ZNF536: variants seen among roughly 807,000 people sequenced by gnomAD.
ZNF536 encodes zinc finger protein 536.
In ZNF536, 13 loss-of-function variants were observed where a neutral mutation model predicts 84.5. The ratio of observed to expected loss-of-function variants is 0.15; its 90% CI spans 0.10 to 0.24. The LOEUF (loss-of-function observed/expected upper bound fraction) is 0.24, where lower values mean the gene tolerates loss of function less well. ZNF536 is among the 10% of genes least tolerant of loss of function. The pLI, the probability that ZNF536 is intolerant of heterozygous loss-of-function variation, is 1.00. For synonymous variants in ZNF536, 811 were observed against 742.5 expected (o/e 1.09, Z -1.50); for missense variants, 1,536 against 1,747.5 (o/e 0.88, Z 2.16).
chr19:30,295,668 C>G (rs900818202), intron 2 of ZNF536, among the ~76,000 whole-genome samples: 1 of 152,170 alleles, frequency 6.6e-6, no homozygotes, highest in Non-Finnish European at 1.5e-5. Flanking sequence ...AGAGCCCTGC[C>G]TCTGGGGTCA....
chr19:30,616,074 T>C (rs2048284378), intron 1 of ZNF536, among the ~76,000 whole-genome samples: 1 of 152,258 alleles, frequency 6.6e-6, no homozygotes, highest in Admixed American at 6.5e-5. Flanking sequence ...TTAACATCTT[T>C]TTTCAGCAGG....
chr19:30,382,633 C>T (rs2049066309), intron 1 of ZNF536, among the ~76,000 whole-genome samples: 1 of 151,608 alleles, frequency 6.6e-6, no homozygotes, highest in Admixed American at 6.6e-5. Context: ...GTTTTTGGTC[C>T]CACTTGTAAG....
chr19:30,672,324 G>A (rs1054135340), intron 1 of ZNF536, among the ~76,000 whole-genome samples: 10 of 152,196 alleles, frequency 6.6e-5, no homozygotes, highest in African/African-American at 2.4e-4. Flanking sequence ...GCTCAGGTGT[G>A]TTTCTGGCAT....
chr19:30,501,390 G>A (rs2054944306), intron 2 of ZNF536, among the ~76,000 whole-genome samples: 1 of 152,206 alleles, frequency 6.6e-6, no homozygotes, highest in Admixed American at 6.5e-5. Flanking sequence ...CATAGCTCAT[G>A]CTCTGAACCA....
chr19:30,265,960 G>A (rs771199262), intron 1 of ZNF536, among the ~76,000 whole-genome samples: 2 of 151,468 alleles, frequency 1.3e-5, no homozygotes, highest in African/African-American at 4.9e-5. Context: ...GTGTGATCAC[G>A]GCTCACTGCA....
chr19:30,617,354 T>TTTTTTTTTTTTTTTTTTC lies in ZNF536; in HGVS notation c.169+67852_169+67853insTTTTTCTTTTTTTTTTTT. On this transcript the variant is annotated intron_variant, in intron 1 of 1. Transcript: ENST00000592773. ...CTTACTTTTTTTTTTTTTTTTTTTT[T>TTTTTTTTTTTTTTTTTTC]TTTTTTTTTTTTATGAGATGGAGTC... Among the ~76,000 whole-genome samples, 2 of 92,898 alleles carry TTTTTTTTTTTTTTTTTTC rather than the reference T, an allele frequency of 2.2e-5. 1 individual carries two copies. Among genetic ancestry groups the TTTTTTTTTTTTTTTTTTC allele is most frequent in the Non-Finnish European group, 4.3e-5 (2 of 46,716 alleles). The allele number at this position is 92,898 out of a possible 152,430, so 60.9% of individuals were successfully genotyped here.
chr19:30,440,260 C>G (rs2051974338), intron 1 of ZNF536, among the ~76,000 whole-genome samples: 1 of 152,028 alleles, frequency 6.6e-6, no homozygotes, highest in Admixed American at 6.6e-5. Flanking sequence ...CATGGCCGGC[C>G]AGAGGTGGCT....
chr19:30,598,117 C>A (rs140378148), intron 1 of ZNF536, among the ~76,000 whole-genome samples: 2 of 152,196 alleles, frequency 1.3e-5, no homozygotes, highest in Non-Finnish European at 2.9e-5. Flanking sequence ...AAATATCCCG[C>A]CAGCTTCTTG....
At position 30,445,012 on chromosome 19, in the gene ZNF536, G is replaced by C. The variant is rs779736621; in HGVS notation, c.1450G>C (p.Asp484His). 3.1e-6 allele frequency: 5 copies of C among 1,611,932 alleles called. No individual in the cohort carries two copies. Among genetic ancestry groups the C allele is most frequent in the African/African-American group, 1.3e-5 (1 of 75,022 alleles). Residue 484 changes from aspartate (D) to histidine (H), a missense_variant, in exon 2 of 5, where the codon GAC becomes CAC. Asp to His is a moderately conservative substitution (Grantham distance 81). Transcript: ENST00000355537. This position sits in a 1 kb window ranked among gnomAD's most constrained non-coding sequence, Gnocchi z 4.5. Reference sequence around the variant, plus strand: ...CATGGCCCACGGCGTCCCGGAGGGGGACAAGCACTCCCTCCTGGGATGCCT... The same window carrying C: ...CATGGCCCACGGCGTCCCGGAGGGGCACAAGCACTCCCTCCTGGGATGCCT... ...SSMAHGVPEG[D>H]KHSLLGCLNL...
chr19:30,258,730 A>AT (rs1379335797), intron 1 of ZNF536, among the ~76,000 whole-genome samples: 2 of 109,110 alleles, frequency 1.8e-5, no homozygotes, highest in African/African-American at 3.0e-5. Context: ...TATTTATTTA[A>AT]TTTTTGAGAC....
chr19:30,237,675 AAGG>A (rs1361306550), intron 1 of ZNF536, among the ~76,000 whole-genome samples: 1 of 152,154 alleles, frequency 6.6e-6, no homozygotes, highest in Admixed American at 6.5e-5. Flanking sequence ...GGAGAGTCTA[AAGG>A]AGGATTCTTT....
intron 1 of ZNF536, among the ~76,000 whole-genome samples, chr19:30,435,074 G>T (rs2051665285): frequency 6.6e-6 from 1 of 150,764 alleles, no homozygotes; most frequent in South Asian, 2.1e-4. Context: ...TGGTGATAAT[G>T]CTGGTGATGA....
chr19:30,241,682 T>C (rs1214228795), intron 1 of ZNF536, among the ~76,000 whole-genome samples: 3 of 152,210 alleles, frequency 2.0e-5, no homozygotes, highest in Non-Finnish European at 2.9e-5. Context: ...CTCACTGCAC[T>C]CTGGGCAGCA....
At chr19:30,424,492 G>T (rs2147892388) in intron 1 of ZNF536, among the ~76,000 whole-genome samples, 1 of 152,256 alleles carries the variant, frequency 6.6e-6, no homozygotes, top group East Asian at 1.9e-4. Flanking sequence ...GAGCACACAG[G>T]GATCTGAGTG....
intron 1 of ZNF536, among the ~76,000 whole-genome samples, chr19:30,636,341 G>T (rs2049063929): frequency 6.6e-6 from 1 of 152,168 alleles, no homozygotes; most frequent in African/African-American, 2.4e-5. Context: ...TGGGGGAAGG[G>T]ATTGGGGACC....
intron 1 of ZNF536, among the ~76,000 whole-genome samples, chr19:30,616,632 G>A (rs993839531): frequency 3.9e-5 from 6 of 152,072 alleles, no homozygotes; most frequent in East Asian, 1.9e-4. Flanking sequence ...TAATATTTTC[G>A]TCAGGTTTGA....
At chr19:30,577,963 A>T (rs913303255) in intron 1 of ZNF536, among the ~76,000 whole-genome samples, 1 of 152,210 alleles carries the variant, frequency 6.6e-6, no homozygotes, top group African/African-American at 2.4e-5. Flanking sequence ...AGGAAAATGA[A>T]TCACTCTTTT....
intron 1 of ZNF536, among the ~76,000 whole-genome samples, chr19:30,677,300 T>C (rs770653624): frequency 1.1e-4 from 16 of 152,332 alleles, no homozygotes; most frequent in Non-Finnish European, 2.1e-4. Flanking sequence ...CGGTTTCTTA[T>C]TGGTGTTATA....
intron 1 of ZNF536, among the ~76,000 whole-genome samples, chr19:30,256,954 T>C (rs1397300513): frequency 6.6e-6 from 1 of 152,224 alleles, no homozygotes; most frequent in Non-Finnish European, 1.5e-5. Context: ...GATCCAAAAC[T>C]AAAATGATAT....
Sources: allele counts gnomAD v4.1 joint callset (sites outside exome capture counted in the v4.1 genomes callset), GRCh38; gene constraint gnomAD v4.1.1; non-coding constraint Gnocchi (gnomAD v3.1); transcripts MANE v1.5; gene names NCBI Gene and HGNC (gene_info 2026-07-23, HGNC 2026-07-21).